PPFIBP2: variants seen among roughly 807,000 people sequenced by gnomAD.
The protein encoded by PPFIBP2 is PPFIB scaffold protein 2.
Under a neutral mutation model 118.3 loss-of-function variants are expected in PPFIBP2, and 118 were observed. The ratio of observed to expected loss-of-function variants is 1.00; its 90% CI spans 0.86 to 1.16. The LOEUF (loss-of-function observed/expected upper bound fraction) is 1.16, where lower values mean the gene tolerates loss of function less well. Among genes scored for constraint, PPFIBP2 ranks in the 50% most tolerant of loss-of-function variants. The probability of loss-of-function intolerance (pLI) is 0.00; values close to 1 mark genes in which losing one functional copy is unlikely to be tolerated. For missense variants in PPFIBP2, 1,195 were observed against 1,073.1 expected (o/e 1.11, Z -1.59); for synonymous variants, 414 against 397.4 (o/e 1.04, Z -0.50).
downstream of PPFIBP2, among the ~76,000 whole-genome samples, chr11:7,661,688 A>T (rs1356885951): frequency 1.5e-5 from 1 of 67,764 alleles, no homozygotes; most frequent in East Asian, 2.9e-4. Flanking sequence ...GCTGAGTTCA[A>T]TTCCTGCGTA....
chr11:7,535,194 T>A (rs1184417463), intron 1 of PPFIBP2, among the ~76,000 whole-genome samples: 1 of 152,070 alleles, frequency 6.6e-6, no homozygotes, highest in African/African-American at 2.4e-5. Flanking sequence ...TAAATGGAGG[T>A]GGGAGCCCAT....
intron 3 of PPFIBP2, among the ~76,000 whole-genome samples, chr11:7,584,787 G>A (rs1246152199): frequency 1.3e-5 from 2 of 152,054 alleles, no homozygotes; most frequent in East Asian, 3.9e-4. Context: ...TGTCTTCTAA[G>A]TTTCTAAAAG....
At chr11:7,665,313 A>G in the PPFIBP2 span, 2 of 1,364,242 alleles carry the variant, frequency 1.5e-6, no homozygotes, top group Non-Finnish European at 2.0e-6. Context: ...CCGTGGTGAA[A>G]TTGAACTTAC....
At chr11:7,589,889 G>A (rs1273095973) in intron 3 of PPFIBP2, among the ~76,000 whole-genome samples, 1 of 152,200 alleles carries the variant, frequency 6.6e-6, no homozygotes, top group African/African-American at 2.4e-5. Context: ...CAAGCAAGCT[G>A]TCTTTAAAGT....
intron 6 of PPFIBP2, among the ~76,000 whole-genome samples, chr11:7,618,141 T>C (rs1021948786): frequency 6.6e-6 from 1 of 152,034 alleles, no homozygotes; most frequent in Non-Finnish European, 1.5e-5. Flanking sequence ...AATCTAGACA[T>C]AGGTGTTGCG....
chr11:7,565,555 A>C lies in PPFIBP2; in HGVS notation c.67A>C (p.Thr23Pro). ...LEQMDGIIAG[T>P]KTGADLSDGT... ...TTTTCACCTCTCTCTCATTGCAGGCACTAAAACAGGTGCAGATCTTAGTGA... is the reference window on the plus strand; with the variant it reads ...TTTTCACCTCTCTCTCATTGCAGGCCCTAAAACAGGTGCAGATCTTAGTGA... Residue 23 changes from threonine (T) to proline (P), a missense_variant and splice_region_variant, in exon 3 of 24, where the codon ACT (threonine) becomes CCT (proline). Physicochemically the swap from Thr to Pro is conservative, Grantham distance 38 (BLOSUM62 -1). Transcript: ENST00000299492. 1.2e-6 allele frequency: 2 copies of C among 1,614,156 alleles called. No homozygotes were observed. The highest frequency in any genetic ancestry group is 1.7e-6 in the Non-Finnish European group (2 of 1,180,024).
intron 17 of PPFIBP2, among the ~76,000 whole-genome samples, chr11:7,645,054 A>G (rs1447151226): frequency 7.0e-6 from 1 of 142,220 alleles, no homozygotes; most frequent in Non-Finnish European, 1.5e-5. Context: ...AAAAAAAAAA[A>G]AAAAAGGTAT....
intron 1 of PPFIBP2, among the ~76,000 whole-genome samples, chr11:7,542,155 C>A (rs1296625903): frequency 3.3e-5 from 5 of 152,160 alleles, no homozygotes; most frequent in Admixed American, 2.0e-4. Flanking sequence ...AGTGGAAGAA[C>A]AGGAGGAAAA....
rs958528862 is a variant in PPFIBP2, at chr11:7,653,605, T to G, written c.*387T>G. On this transcript the variant is annotated 3_prime_UTR_variant, in exon 24 of 24. Coordinates refer to ENST00000299492, the MANE Select transcript of PPFIBP2 (RefSeq NM_003621.5). ...CCTACACTTCAGTTGAGGGAAAAGC[T>G]CAAGTGCCTTAGGCCCGTGGACCAC... 10 of 1,298,522 alleles carry G rather than the reference T, an allele frequency of 7.7e-6. No individual in the cohort carries two copies. The African/African-American group carries it at 1.5e-4, about 20-fold the overall frequency. The allele number at this position is 1,298,522 out of a possible 1,614,324, so 80.4% of individuals were successfully genotyped here. A position where few individuals can be genotyped will look rare whatever the true frequency, so the allele number is the denominator to read the frequency against.
intron 6 of PPFIBP2, among the ~76,000 whole-genome samples, chr11:7,614,825 A>G (rs998663247): frequency 1.3e-5 from 2 of 152,268 alleles, no homozygotes; most frequent in African/African-American, 2.4e-5. Context: ...GTAGTTTCAC[A>G]TAGAAAAGAA....
intron 1 of PPFIBP2, among the ~76,000 whole-genome samples, chr11:7,532,300 C>T (rs1850765834): frequency 6.6e-6 from 1 of 152,300 alleles, no homozygotes; most frequent in African/African-American, 2.4e-5. Flanking sequence ...CTTTCAAGAC[C>T]TTATTTCCAA....
intron 1 of PPFIBP2, among the ~76,000 whole-genome samples, chr11:7,530,294 C>CAAGGCAA (rs68105065): frequency 0.25 from 38,676 of 151,770 alleles, 5,166 homozygotes; most frequent in Admixed American, 0.4. Flanking sequence ...CCATATTACC[C>CAAGGCAA]AAGGCAAAAA....
rs549041611 is a variant in PPFIBP2 at position 7,610,099 on chromosome 11, G to T, written c.487-192G>T. Among the ~76,000 whole-genome samples the T allele has an allele frequency of 7.2e-5, 11 of 152,214 alleles. No homozygotes were observed. In the East Asian group the frequency reaches 1.4e-3, roughly 19 times the overall value. On this transcript the variant is annotated intron_variant, in intron 5 of 23. Coordinates refer to ENST00000299492, the MANE Select transcript of PPFIBP2 (RefSeq NM_003621.5). ...TCAAAGCACAGTGGGTGGTATTGGG[G>T]GTGCGCTATCCCTGAGTAGCCCAGC...
chr11:7,533,400 C>T (rs913309298), intron 1 of PPFIBP2, among the ~76,000 whole-genome samples: 5 of 152,200 alleles, frequency 3.3e-5, no homozygotes, highest in African/African-American at 1.2e-4. Flanking sequence ...TTTGTGTCAA[C>T]AAACATTTAC....
chr11:7,570,107 A>G (rs570087040), intron 3 of PPFIBP2, among the ~76,000 whole-genome samples: 7 of 151,988 alleles, frequency 4.6e-5, no homozygotes, highest in Middle Eastern at 6.8e-3. Context: ...GGGCTTTCCC[A>G]TGGTCTGAAA....
intron 5 of PPFIBP2, among the ~76,000 whole-genome samples, chr11:7,599,922 G>A (rs932160195): frequency 1.3e-5 from 2 of 151,724 alleles, no homozygotes; most frequent in Admixed American, 6.6e-5. Context: ...GGGATTACAG[G>A]TGTGAGCCAC....
chr11:7,529,147 C>T (rs980781512), intron 1 of PPFIBP2, among the ~76,000 whole-genome samples: 3 of 152,088 alleles, frequency 2.0e-5, no homozygotes, highest in African/African-American at 7.2e-5. Context: ...TTCATGTTAA[C>T]AGGAGACAAT....
At chr11:7,614,695 C>T (rs1848437175) in intron 6 of PPFIBP2, among the ~76,000 whole-genome samples, 1 of 152,008 alleles carries the variant, frequency 6.6e-6, no homozygotes, top group Non-Finnish European at 1.5e-5. Context: ...AGGTTATATT[C>T]CCATGAGCAA....
At chr11:7,615,854 C>G (rs772589626) in intron 6 of PPFIBP2, among the ~76,000 whole-genome samples, 4 of 152,178 alleles carry the variant, frequency 2.6e-5, no homozygotes, top group Non-Finnish European at 5.9e-5. Flanking sequence ...TAAATCATAA[C>G]TCTGACAATT....
Sources: allele counts gnomAD v4.1 joint callset (sites outside exome capture counted in the v4.1 genomes callset), GRCh38; gene constraint gnomAD v4.1.1; transcripts MANE v1.5; gene names NCBI Gene and HGNC (gene_info 2026-07-23, HGNC 2026-07-21).